Variants in LUZP2 observed in about 807,000 individuals in gnomAD.
The protein encoded by LUZP2 is leucine zipper protein 2.
Under a neutral mutation model 51.6 loss-of-function variants are expected in LUZP2, and 52 were observed. The ratio of observed to expected loss-of-function variants is 1.01; its 90% CI spans 0.81 to 1.27. LUZP2 has a LOEUF of 1.27. LUZP2 is among the 50% of genes most tolerant of loss of function. LUZP2 has a pLI of 0.00. For missense variants in LUZP2, 436 were observed against 395.4 expected (o/e 1.10, Z -0.87); for synonymous variants, 154 against 137.3 (o/e 1.12, Z -0.85).
chr11:24,786,955 G>T (rs1362651139), intron 5 of LUZP2, among the ~76,000 whole-genome samples: 1 of 151,988 alleles, frequency 6.6e-6, no homozygotes, highest in African/African-American at 2.4e-5. Context: ...CACTAAAACA[G>T]CAGGATTGAC....
intron 5 of LUZP2, among the ~76,000 whole-genome samples, chr11:24,873,334 G>A (rs944072228): frequency 5.9e-5 from 9 of 152,124 alleles, no homozygotes; most frequent in African/African-American, 1.7e-4. Flanking sequence ...TTAGAAGAAA[G>A]TACATTCAGG....
At chr11:24,531,039 T>TTTATTATTATTATTATTATTA (rs367681666) in intron 1 of LUZP2, among the ~76,000 whole-genome samples, 6,627 of 144,816 alleles carry the variant, frequency 0.046, 227 homozygotes, top group African/African-American at 0.081. Context: ...TTTAGCCTCT[T>TTTATTATTATTATTATTATTA]TTATTATTAT....
intron 1 of LUZP2, among the ~76,000 whole-genome samples, chr11:24,718,156 G>A (rs1166617683): frequency 6.6e-6 from 1 of 152,176 alleles, no homozygotes; most frequent in Admixed American, 6.5e-5. Context: ...GAGTGAGCGG[G>A]TTGTGTGGCC....
At chr11:24,972,293 A>G (rs2133897835) in intron 7 of LUZP2, among the ~76,000 whole-genome samples, 1 of 152,212 alleles carries the variant, frequency 6.6e-6, no homozygotes, top group African/African-American at 2.4e-5. Flanking sequence ...TATGACAAGT[A>G]ATATAAACTG....
At chr11:24,609,246 A>G (rs1854036279) in intron 1 of LUZP2, among the ~76,000 whole-genome samples, 1 of 152,196 alleles carries the variant, frequency 6.6e-6, no homozygotes, top group Admixed American at 6.5e-5. Context: ...CTAAAGAAGG[A>G]GTCATTTTGA....
At chr11:24,792,072 A>G (rs1282587405) in intron 5 of LUZP2, among the ~76,000 whole-genome samples, 1 of 151,334 alleles carries the variant, frequency 6.6e-6, no homozygotes, top group Non-Finnish European at 1.5e-5. Flanking sequence ...CATTTCTTCC[A>G]TGTATAGAGA....
chr11:24,906,079 C>A (rs765471538), intron 6 of LUZP2, 26 bp downstream of exon 6: 4 of 1,567,394 alleles, frequency 2.6e-6, no homozygotes, highest in Middle Eastern at 1.7e-4. Flanking sequence ...CTTCTTCTAG[C>A]TTTAACCAGA....
At chr11:25,062,266 G>A (rs1858861685) in intron 10 of LUZP2, among the ~76,000 whole-genome samples, 1 of 150,844 alleles carries the variant, frequency 6.6e-6, no homozygotes, top group Non-Finnish European at 1.5e-5. Flanking sequence ...CAAACAGATA[G>A]GTAGGCTTTA....
chr11:24,527,974 A>G (rs1850867285), intron 1 of LUZP2, among the ~76,000 whole-genome samples: 2 of 151,196 alleles, frequency 1.3e-5, no homozygotes, highest in Non-Finnish European at 3.0e-5. Flanking sequence ...GGAAACTGCA[A>G]ATTCACAGGG....
intron 1 of LUZP2, among the ~76,000 whole-genome samples, chr11:24,587,369 T>G (rs765102509): frequency 3.3e-5 from 5 of 152,130 alleles, no homozygotes; most frequent in Non-Finnish European, 7.4e-5. Flanking sequence ...GGAATTATTT[T>G]TATTATTTTT....
At chr11:24,711,850 A>G (rs1344511496) in intron 1 of LUZP2, among the ~76,000 whole-genome samples, 1 of 152,114 alleles carries the variant, frequency 6.6e-6, no homozygotes, top group Non-Finnish European at 1.5e-5. Context: ...ATAGGCATAA[A>G]CAAACACAAA....
At chr11:24,602,391 C>T (rs5027715) in intron 1 of LUZP2, among the ~76,000 whole-genome samples, 2,184 of 106,034 alleles carry the variant, frequency 0.021, 72 homozygotes, top group African/African-American at 0.084. Context: ...TATATATACA[C>T]ACACACACAC....
Position 24,914,524 on chromosome 11 carries a change from G to A in LUZP2, c.508G>A (p.Asp170Asn), listed in dbSNP as rs138759346. ...QLKELRYGKK[D>N]LLFKAQQLTD... ...GAAGGAGCTTCGTTATGGGAAGAAG[G>A]ATTTATTATTTAAGGTGAGTCTCTT... Residue 170 changes from aspartate to asparagine, a missense_variant, in exon 7 of 12, where the codon GAT becomes AAT. Physicochemically the swap from Asp to Asn is conservative, Grantham distance 23. Coordinates refer to ENST00000336930, the MANE Select transcript of LUZP2 (RefSeq NM_001009909.4). The A allele has an allele frequency of 2.5e-6, 4 of 1,607,642 alleles. No individual in the cohort carries two copies. In the African/African-American group the frequency reaches 5.4e-5, roughly 22 times the overall value.
At chr11:24,854,625 A>T (rs1305923133) in intron 5 of LUZP2, among the ~76,000 whole-genome samples, 1 of 149,938 alleles carries the variant, frequency 6.7e-6, no homozygotes, top group East Asian at 2.0e-4. Context: ...CAGGGCAGTG[A>T]ACGATTCTGT....
intron 1 of LUZP2, among the ~76,000 whole-genome samples, chr11:24,568,833 A>T (rs535887235): frequency 1.7e-4 from 26 of 152,114 alleles, no homozygotes; most frequent in African/African-American, 6.3e-4. Context: ...TCTTTATTTG[A>T]TGGAGATGGT....
At chr11:24,709,771 T>C in intron 1 of LUZP2, among the ~76,000 whole-genome samples, 1 of 152,168 alleles carries the variant, frequency 6.6e-6, no homozygotes, top group South Asian at 2.1e-4. Context: ...ATCGTTTTTG[T>C]ATTGGGGCCT....
At chr11:24,674,049 G>A (rs949287583) in intron 1 of LUZP2, among the ~76,000 whole-genome samples, 2 of 152,124 alleles carry the variant, frequency 1.3e-5, no homozygotes, top group Non-Finnish European at 2.9e-5. Context: ...TACAGCCACA[G>A]TTTATAAGAT....
chr11:24,730,247 A>C (rs1196449674), intron 2 of LUZP2, among the ~76,000 whole-genome samples: 2 of 151,750 alleles, frequency 1.3e-5, no homozygotes, highest in Non-Finnish European at 3.0e-5. Flanking sequence ...TTTCACATGA[A>C]GACTGTTAGT....
chr11:24,812,960 A>G (rs928777508), intron 5 of LUZP2, among the ~76,000 whole-genome samples: 3 of 152,172 alleles, frequency 2.0e-5, no homozygotes, highest in African/African-American at 4.8e-5. Flanking sequence ...TTTGTGGTGC[A>G]CTTAATACCA....
Sources: gnomAD v4.1 joint callset for allele counts (sites outside exome capture counted in the v4.1 genomes callset) on GRCh38, gnomAD v4.1.1 for gene constraint, MANE v1.5 for transcripts, NCBI Gene and HGNC (gene_info 2026-07-23, HGNC 2026-07-21) for gene names.